The following ATRX variants were observed in gnomAD, a reference collection of about 807,000 sequenced individuals.
The protein encoded by ATRX is chromatin remodeler ATRX.
A neutral mutation model predicts 172.6 loss-of-function variants in ATRX; 12 were observed. That is an observed-to-expected ratio of 0.07 (90% CI 0.04 to 0.11). ATRX has a LOEUF of 0.11. Ranked by LOEUF, ATRX falls within the 10% of genes least tolerant of loss-of-function variation. ATRX has a pLI of 1.00. For synonymous variants in ATRX, 674 were observed against 594.7 expected (o/e 1.13, Z -1.94); for missense variants, 1,368 against 1,767.4 (o/e 0.77, Z 4.05).
chrX:77,774,986 A>G (rs1370010335), intron 1 of ATRX, among the ~76,000 whole-genome samples: 1 of 111,362 alleles, frequency 9.0e-6, no homozygotes, highest in Non-Finnish European at 1.9e-5. Context: ...CTCCCACCTC[A>G]GCCTCCCAAA....
chrX:77,705,428 C>T (rs1263015418), intron 2 of ATRX, among the ~76,000 whole-genome samples: 14 of 112,300 alleles, frequency 1.2e-4, no homozygotes, highest in African/African-American at 4.5e-4. Flanking sequence ...GCCCTGGCCA[C>T]GTCTCCCTGC....
chrX:77,656,238 G>A (rs1370164120), intron 13 of ATRX, among the ~76,000 whole-genome samples: 1 of 111,417 alleles, frequency 9.0e-6, no homozygotes, highest in Non-Finnish European at 1.9e-5. Flanking sequence ...ACAGAAAGTA[G>A]AAAAGCCCAA....
intron 1 of ATRX, among the ~76,000 whole-genome samples, chrX:77,729,393 A>G (rs2074202395): frequency 1.8e-5 from 2 of 111,946 alleles, no homozygotes; most frequent in African/African-American, 6.5e-5. Context: ...TCTAGCTAAT[A>G]TTACAGAAGA....
In ATRX at chrX:77,730,407, C is replaced by A. The variant is rs535173072; in HGVS notation, c.21-13164G>T. ...TGATAAAACTTGGAGACTTCAATATCCCACTTTCAGCATTGGACAGACCTT... is the reference window on the plus strand; with the variant it reads ...TGATAAAACTTGGAGACTTCAATATACCACTTTCAGCATTGGACAGACCTT... On this transcript the variant is annotated intron_variant, in intron 1 of 34. Coordinates refer to ENST00000373344, the MANE Select transcript of ATRX (RefSeq NM_000489.6). 8.4e-4 allele frequency among the ~76,000 whole-genome samples: 94 copies of A among 111,656 alleles called. 1 individual carries two copies. In the Admixed American group the frequency reaches 8.4e-3, roughly 10 times the overall value.
At chrX:77,562,786 A>T (rs781921138) in intron 28 of ATRX, among the ~76,000 whole-genome samples, 2 of 111,833 alleles carry the variant, frequency 1.8e-5, no homozygotes, top group Non-Finnish European at 3.8e-5. Context: ...GCCTCAAGTG[A>T]TCCTCTCACC....
intron 1 of ATRX, among the ~76,000 whole-genome samples, chrX:77,744,704 C>G (rs1557183948): frequency 9.0e-6 from 1 of 111,023 alleles, no homozygotes; most frequent in African/African-American, 3.3e-5. Context: ...AAAAAAAATT[C>G]TGACCAGGCA....
At chrX:77,718,070 T>G (rs1557166454) in intron 1 of ATRX, among the ~76,000 whole-genome samples, 4 of 111,283 alleles carry the variant, frequency 3.6e-5, no homozygotes, top group African/African-American at 9.8e-5. Flanking sequence ...AATCAAAACA[T>G]AGATGTAGAT....
intron 1 of ATRX, among the ~76,000 whole-genome samples, chrX:77,746,079 T>C (rs1557184744): frequency 2.7e-5 from 3 of 111,367 alleles, no homozygotes; most frequent in Non-Finnish European, 3.8e-5. Context: ...CTCATTCACA[T>C]GTGGATGCTG....
intron 11 of ATRX, 128 bp from the exon 12 acceptor site, chrX:77,663,686 T>C: frequency 3.7e-6 from 2 of 535,678 alleles, no homozygotes; most frequent in Non-Finnish European, 6.1e-6. Flanking sequence ...TTTGGTATCA[T>C]TGGTGTTATC....
intron 1 of ATRX, among the ~76,000 whole-genome samples, chrX:77,781,461 A>C (rs1039071631): frequency 1.8e-5 from 2 of 108,467 alleles, no homozygotes; most frequent in Non-Finnish European, 3.8e-5. Context: ...AAAAAAAAAA[A>C]AAAACTAGGA....
chrX:77,767,257 G>A (rs1343503874), intron 1 of ATRX, among the ~76,000 whole-genome samples: 1 of 108,095 alleles, frequency 9.3e-6, no homozygotes, highest in Admixed American at 9.9e-5. Flanking sequence ...GAGGGAGAGA[G>A]GGAGAGAGGG....
At chrX:77,535,469 A>G (rs1268820588) in intron 30 of ATRX, among the ~76,000 whole-genome samples, 1 of 111,850 alleles carries the variant, frequency 8.9e-6, no homozygotes, top group Non-Finnish European at 1.9e-5. Flanking sequence ...ATCCATTACA[A>G]CTATTACATA....
intron 10 of ATRX, chrX:77,675,590 C>T (rs997098203): frequency 9.0e-6 from 1 of 111,039 alleles, no homozygotes; most frequent in African/African-American, 3.3e-5. Flanking sequence ...CTTCACCCAG[C>T]CACCCCTTAC....
At chrX:77,658,210 CA>C (rs1380450251) in intron 12 of ATRX, among the ~76,000 whole-genome samples, 22 of 109,370 alleles carry the variant, frequency 2.0e-4, no homozygotes. Context: ...GGTCTTCTCT[CA>C]AAAAAAAAGA....
intron 2 of ATRX, among the ~76,000 whole-genome samples, chrX:77,703,197 G>A (rs782428686): frequency 2.4e-4 from 27 of 112,945 alleles, no homozygotes; most frequent in South Asian, 7.2e-4. Flanking sequence ...AAACATCTGC[G>A]GCTGGTGGCA....
chrX:77,533,825 CTCTTA>C (rs1349906067), intron 30 of ATRX, among the ~76,000 whole-genome samples: 1 of 112,059 alleles, frequency 8.9e-6, no homozygotes, highest in Non-Finnish European at 1.9e-5. Flanking sequence ...TTGAAACATA[CTCTTA>C]TCTCTTAATA....
intron 1 of ATRX, among the ~76,000 whole-genome samples, chrX:77,718,368 CT>C (rs543544690): frequency 0.01 from 919 of 89,370 alleles, 6 homozygotes; most frequent in African/African-American, 0.028. Flanking sequence ...AGCATCAACT[CT>C]TTTTTTTTTT....
intron 1 of ATRX, among the ~76,000 whole-genome samples, chrX:77,737,434 A>AG (rs1569544109): frequency 5.2e-4 from 26 of 49,777 alleles, no homozygotes; most frequent in Middle Eastern, 9.1e-3. Context: ...AAAAAAAAAA[A>AG]AGGGGGGGGG....
At chrX:77,681,431 A>C (rs2071184935) in intron 9 of ATRX, 89 bp downstream of exon 9, 3 of 961,127 alleles carry the variant, frequency 3.1e-6, no homozygotes, top group Non-Finnish European at 4.4e-6. Flanking sequence ...AGTAACCCTA[A>C]ATTTGATTAG....
Sources: gnomAD v4.1 joint callset for allele counts (sites outside exome capture counted in the v4.1 genomes callset) on GRCh38, gnomAD v4.1.1 for gene constraint, MANE v1.5 for transcripts, NCBI Gene and HGNC (gene_info 2026-07-23, HGNC 2026-07-21) for gene names.